FRYL: variants seen among roughly 807,000 people sequenced by gnomAD.
FRYL encodes the protein protein furry homolog-like.
FRYL carries 150 observed loss-of-function variants against 351.2 expected under a neutral mutation model. That is an observed-to-expected ratio of 0.43 (90% CI 0.37 to 0.49). The LOEUF (loss-of-function observed/expected upper bound fraction) is 0.49. Among genes scored for constraint, FRYL ranks in the 20% least tolerant of loss-of-function variants. The pLI, the probability that FRYL is intolerant of heterozygous loss-of-function variation, is 0.00. For missense variants in FRYL, 3,036 were observed against 3,619.3 expected, an observed-to-expected ratio of 0.84 and a Z score of 4.13; for synonymous variants, 1,153 against 1,257.1, an observed-to-expected ratio of 0.92 and a Z score of 1.75.
At chr4:48,506,279 A>G (rs981280888) in intron 59 of FRYL, 14 of 151,984 alleles carry the variant, frequency 9.2e-5, no homozygotes, top group Non-Finnish European at 2.1e-4. Context: ...CCTGCCTGTA[A>G]TCCCAGAGCT....
At chr4:48,524,729 T>G (rs1331581182) in intron 53 of FRYL, among the ~76,000 whole-genome samples, 3 of 152,204 alleles carry the variant, frequency 2.0e-5, no homozygotes, top group Non-Finnish European at 4.4e-5. Flanking sequence ...TAAGGTTCTA[T>G]TAAAAGCCAT....
intron 1 of FRYL, among the ~76,000 whole-genome samples, chr4:48,721,992 A>G (rs1365265988): frequency 1.3e-5 from 2 of 152,186 alleles, no homozygotes; most frequent in African/African-American, 2.4e-5. Flanking sequence ...TTATGGCCAA[A>G]GATACATTTA....
intron 54 of FRYL, among the ~76,000 whole-genome samples, chr4:48,522,084 C>A (rs1304951536): frequency 6.6e-6 from 1 of 152,056 alleles, no homozygotes; most frequent in Non-Finnish European, 1.5e-5. Flanking sequence ...TCAAGACTAA[C>A]CTGGGCCACA....
chr4:48,598,793 A>G (rs757396130), intron 13 of FRYL: 3 of 932,018 alleles, frequency 3.2e-6, no homozygotes, highest in East Asian at 1.2e-4. Context: ...AAGGAAATAA[A>G]GCAGTATTTT....
At chr4:48,652,334 G>A (rs1233592254) in intron 3 of FRYL, among the ~76,000 whole-genome samples, 1 of 152,186 alleles carries the variant, frequency 6.6e-6, no homozygotes, top group Non-Finnish European at 1.5e-5. Flanking sequence ...TACATGGTGA[G>A]GATGGGAGAA....
chr4:48,669,195 C>T (rs1365892195), intron 3 of FRYL, among the ~76,000 whole-genome samples: 1 of 152,120 alleles, frequency 6.6e-6, no homozygotes, highest in East Asian at 1.9e-4. Context: ...AGATTCAATA[C>T]TGCTTTCCTT....
At chr4:48,742,445 A>G (rs1772200663) in intron 1 of FRYL, among the ~76,000 whole-genome samples, 1 of 152,044 alleles carries the variant, frequency 6.6e-6, no homozygotes. Flanking sequence ...TCCCAACTTC[A>G]TCATGTTGGA....
intron 62 of FRYL, among the ~76,000 whole-genome samples, chr4:48,500,991 C>T (rs531010647): frequency 6.9e-6 from 1 of 145,220 alleles, no homozygotes; most frequent in Non-Finnish European, 1.5e-5. Context: ...GAGGCTGAGG[C>T]AGGAGAACTG....
intron 1 of FRYL, among the ~76,000 whole-genome samples, chr4:48,771,991 T>C (rs569907608): frequency 2.0e-5 from 3 of 152,312 alleles, no homozygotes; most frequent in East Asian, 3.9e-4. Flanking sequence ...AAACAAAATA[T>C]GATTCTCTGT....
intron 60 of FRYL, among the ~76,000 whole-genome samples, chr4:48,505,104 T>A (rs563458922): frequency 6.6e-6 from 1 of 152,296 alleles, no homozygotes; most frequent in Non-Finnish European, 1.5e-5. Flanking sequence ...CACTGAGCCT[T>A]ATATTAAAGA....
chr4:48,669,330 G>A (rs547897282), intron 3 of FRYL, among the ~76,000 whole-genome samples: 6 of 152,186 alleles, frequency 3.9e-5, no homozygotes, highest in Non-Finnish European at 8.8e-5. Flanking sequence ...GGAGCCCTAC[G>A]GTGTGCCTCA....
chr4:48,536,885 T>C (rs1390635261), intron 47 of FRYL, among the ~76,000 whole-genome samples: 1 of 152,136 alleles, frequency 6.6e-6, no homozygotes, highest in Non-Finnish European at 1.5e-5. Flanking sequence ...CTCAAATTCA[T>C]CATTTGGACA....
chr4:48,653,180 A>C (rs1334458075), intron 3 of FRYL, among the ~76,000 whole-genome samples: 1 of 152,230 alleles, frequency 6.6e-6, no homozygotes, highest in Non-Finnish European at 1.5e-5. Context: ...TTGAAATCTA[A>C]GTATATCATC....
chr4:48,577,172 G>C, intron 23 of FRYL, among the ~76,000 whole-genome samples: 1 of 152,126 alleles, frequency 6.6e-6, no homozygotes. Flanking sequence ...TCTTGAAAAT[G>C]AAATCACAGA....
intron 3 of FRYL, among the ~76,000 whole-genome samples, chr4:48,657,897 C>T (rs961810001): frequency 1.3e-5 from 2 of 152,182 alleles, no homozygotes; most frequent in Non-Finnish European, 2.9e-5. Context: ...TTGCCCTCAA[C>T]GAGTTAGAAA....
At chr4:48,718,214 GT>G (rs1769083249) in intron 1 of FRYL, among the ~76,000 whole-genome samples, 1 of 151,464 alleles carries the variant, frequency 6.6e-6, no homozygotes, top group African/African-American at 2.4e-5. Context: ...ACATAGTTTA[GT>G]TGCATATTAC....
chr4:48,509,306 C>G (rs1194714550), intron 59 of FRYL, among the ~76,000 whole-genome samples: 1 of 152,080 alleles, frequency 6.6e-6, no homozygotes, highest in Non-Finnish European at 1.5e-5. Context: ...GTACTTGAAG[C>G]TACAATTCAC....
intron 59 of FRYL, among the ~76,000 whole-genome samples, chr4:48,509,470 A>G (rs1722024545): frequency 6.6e-6 from 1 of 152,238 alleles, no homozygotes; most frequent in Admixed American, 6.5e-5. Context: ...TGAAAGACCC[A>G]TCTAGAAAAA....
Position 48,549,390 on chromosome 4 carries a change from G to C in FRYL, c.4784+83C>G. 1 of 1,251,410 alleles carries C rather than the reference G, an allele frequency of 8.0e-7. No homozygotes were observed. Among genetic ancestry groups the C allele is most frequent in the Non-Finnish European group, 1.1e-6 (1 of 906,310 alleles). The allele number at this position is 1,251,410 out of a possible 1,614,324, so 77.5% of individuals were successfully genotyped here. A position where few individuals can be genotyped will look rare whatever the true frequency, so the allele number is the denominator to read the frequency against. ...CCATAAAGAAGATTGCTTTCATTCT[G>C]TGTTGTCAGATAGCACAAAGAAAGC... On this transcript the variant is annotated intron_variant, in intron 39 of 63. Transcript: ENST00000358350. This position sits in a 1 kb window ranked among gnomAD's most constrained non-coding sequence, Gnocchi z 4.2.
Sources: gnomAD v4.1 joint callset for allele counts (sites outside exome capture counted in the v4.1 genomes callset) on GRCh38, gnomAD v4.1.1 for gene constraint, Gnocchi (gnomAD v3.1) non-coding constraint, MANE v1.5 for transcripts, NCBI Gene and HGNC (gene_info 2026-07-23, HGNC 2026-07-21) for gene names.